Variants in ERC1 observed in about 807,000 individuals in gnomAD.
ERC1 encodes ELKS/RAB6-interacting/CAST family member 1, also known as RAB6 interacting protein 2.
A neutral mutation model predicts 132.0 loss-of-function variants in ERC1; 56 were observed. The observed-to-expected ratio is 0.42, with a 90% CI of 0.34 to 0.53. The LOEUF is 0.53. ERC1 is among the 20% of genes least tolerant of loss of function. ERC1 has a pLI of 0.03. For missense variants in ERC1, 1,202 were observed against 1,349.9 expected (o/e 0.89, Z 1.72); for synonymous variants, 478 against 476.1 (o/e 1.00, Z -0.05).
chr12:1,120,482 T>C (rs1323137541), intron 7 of ERC1, among the ~76,000 whole-genome samples: 1 of 152,224 alleles, frequency 6.6e-6, no homozygotes, highest in Non-Finnish European at 1.5e-5. Context: ...GCATACCACT[T>C]TTGACTGGCA....
Position 1,153,401 on chromosome 12 carries a change from T to C in ERC1, c.1737+11614T>C, listed in dbSNP as rs143271459. The stretch of plus-strand genomic sequence containing the variant: ...GACTCTTTTTAAGGCTTGAGACTTA[T>C]ACGTGTTTAACTGTGCCTTCAGAAT... On this transcript the variant is annotated intron_variant, in intron 8 of 18. Coordinates refer to ENST00000360905, the MANE Select transcript of ERC1 (RefSeq NM_178040.4). Among the ~76,000 whole-genome samples the C allele has an allele frequency of 1.8e-3, 275 of 152,374 alleles. 1 individual carries two copies. The highest frequency in any genetic ancestry group is 0.017 in the Middle Eastern group (5 of 294).
intron 16 of ERC1, among the ~76,000 whole-genome samples, chr12:1,373,948 C>T (rs1162376860): frequency 6.6e-6 from 1 of 152,180 alleles, no homozygotes; most frequent in African/African-American, 2.4e-5. Context: ...TAACAGTTCT[C>T]AGGAGTCCTT....
At chr12:1,133,588 T>C in intron 7 of ERC1, among the ~76,000 whole-genome samples, 1 of 152,234 alleles carries the variant, frequency 6.6e-6, no homozygotes, top group East Asian at 1.9e-4. Flanking sequence ...GCAATCCTTT[T>C]CTTTTAACTG....
At chr12:1,397,858 CAG>C (rs929760337) in intron 16 of ERC1, among the ~76,000 whole-genome samples, 84 of 152,002 alleles carry the variant, frequency 5.5e-4, no homozygotes, top group African/African-American at 2.0e-3. Context: ...TAAAAACAAA[CAG>C]AAACAAATGA....
chr12:1,210,639 A>G (rs920619015), intron 12 of ERC1, among the ~76,000 whole-genome samples: 27 of 152,040 alleles, frequency 1.8e-4, no homozygotes, highest in African/African-American at 6.3e-4. Context: ...TGGGATTGTT[A>G]TTATTATTTT....
intron 15 of ERC1, among the ~76,000 whole-genome samples, chr12:1,367,184 G>A (rs765178848): frequency 7.2e-5 from 11 of 152,210 alleles, no homozygotes; most frequent in Non-Finnish European, 1.5e-4. Context: ...TAGGAAGGTA[G>A]CAGAATCAAA....
chr12:1,192,008 G>A (rs1305312709), intron 12 of ERC1, among the ~76,000 whole-genome samples: 1 of 152,216 alleles, frequency 6.6e-6, no homozygotes, highest in Non-Finnish European at 1.5e-5. Flanking sequence ...AGGAAACTGA[G>A]GCCCAGAGAA....
At chr12:1,460,427 C>T (rs1167879574) in intron 18 of ERC1, among the ~76,000 whole-genome samples, 1 of 152,118 alleles carries the variant, frequency 6.6e-6, no homozygotes, top group African/African-American at 2.4e-5. Flanking sequence ...CGGTGTTACC[C>T]CATGAGCAGT....
At chr12:1,273,070 CAGAA>C (rs912779884) in intron 14 of ERC1, among the ~76,000 whole-genome samples, 8 of 151,326 alleles carry the variant, frequency 5.3e-5, no homozygotes, top group African/African-American at 1.2e-4. Flanking sequence ...CTATAGTTTC[CAGAA>C]GGAAGGGAGG....
chr12:1,171,331 T>G (rs1253718497), intron 8 of ERC1, among the ~76,000 whole-genome samples: 1 of 151,434 alleles, frequency 6.6e-6, no homozygotes, highest in Non-Finnish European at 1.5e-5. Context: ...AATTTAGATG[T>G]CAGCAATAGT....
intron 1 of ERC1, among the ~76,000 whole-genome samples, chr12:1,023,353 A>G (rs1966647940): frequency 6.6e-6 from 1 of 152,034 alleles, no homozygotes; most frequent in African/African-American, 2.4e-5. Context: ...CTCTGGCTTG[A>G]GCAGCTGATG....
intron 14 of ERC1, among the ~76,000 whole-genome samples, chr12:1,271,961 T>A (rs183481664): frequency 1.1e-3 from 170 of 152,238 alleles, no homozygotes; most frequent in Non-Finnish European, 1.4e-3. Context: ...AAGTGATAGG[T>A]TAGGTACAGA....
At chr12:1,446,696 G>A (rs1177880961) in intron 18 of ERC1, among the ~76,000 whole-genome samples, 2 of 152,286 alleles carry the variant, frequency 1.3e-5, no homozygotes, top group South Asian at 4.1e-4. Context: ...TTACTTTCCC[G>A]TGATGTGGAT....
chr12:1,160,818 AC>A (rs1354432322), intron 8 of ERC1, among the ~76,000 whole-genome samples: 5 of 151,926 alleles, frequency 3.3e-5, no homozygotes, highest in Non-Finnish European at 7.4e-5. Flanking sequence ...TGGTATCCAA[AC>A]TCCTGGTCTT....
intron 1 of ERC1, among the ~76,000 whole-genome samples, chr12:1,005,903 CTTA>C (rs893972770): frequency 4.6e-5 from 7 of 150,950 alleles, no homozygotes; most frequent in Middle Eastern, 3.4e-3. Flanking sequence ...TATTAAAATT[CTTA>C]TTATTATTAC....
chr12:1,334,455 A>G (rs530142278), intron 15 of ERC1, among the ~76,000 whole-genome samples: 144 of 152,318 alleles, frequency 9.5e-4, no homozygotes, highest in Non-Finnish European at 1.9e-3. Flanking sequence ...GCATATGGCT[A>G]GCCAGTTACC....
At chr12:1,134,226 G>T (rs1949039330) in intron 7 of ERC1, among the ~76,000 whole-genome samples, 1 of 151,884 alleles carries the variant, frequency 6.6e-6, no homozygotes, top group Non-Finnish European at 1.5e-5. Context: ...AAAGAGATTT[G>T]CAAAAATTTA....
intron 18 of ERC1, among the ~76,000 whole-genome samples, chr12:1,449,482 G>A (rs2093377440): frequency 6.6e-6 from 1 of 152,114 alleles, no homozygotes; most frequent in South Asian, 2.1e-4. Context: ...TCATGATAGT[G>A]GGTGGCTTCT....
chr12:1,396,722 G>A (rs188832635), intron 16 of ERC1, among the ~76,000 whole-genome samples: 2 of 152,166 alleles, frequency 1.3e-5, no homozygotes, highest in Non-Finnish European at 2.9e-5. Flanking sequence ...TGCAGCAGCT[G>A]CCCAGGGGCT....
Sources: gnomAD v4.1 joint callset for allele counts (sites outside exome capture counted in the v4.1 genomes callset) on GRCh38, gnomAD v4.1.1 for gene constraint, MANE v1.5 for transcripts, NCBI Gene and HGNC (gene_info 2026-07-23, HGNC 2026-07-21) for gene names.